The following EPN1 variants were observed in gnomAD, a reference collection of about 807,000 sequenced individuals.
The protein encoded by EPN1 is epsin 1, also known as epsin-1.
A neutral mutation model predicts 56.9 loss-of-function variants in EPN1; 25 were observed. The ratio of observed to expected loss-of-function variants is 0.44; its 90% CI spans 0.32 to 0.61. The LOEUF (loss-of-function observed/expected upper bound fraction) is 0.61, where lower values mean the gene tolerates loss of function less well. Among genes scored for constraint, EPN1 ranks in the 20% least tolerant of loss-of-function variants. The pLI is 0.05. For synonymous variants in EPN1, 411 were observed against 361.8 expected (o/e 1.14, Z -1.54); for missense variants, 785 against 823.7 (o/e 0.95, Z 0.58).
rs764731646 is a variant in EPN1 at position 55,689,488 on chromosome 19, C to T, written c.678+117C>T. 68 of 754,262 alleles carry T rather than the reference C, an allele frequency of 9.0e-5. No homozygotes were observed. Among genetic ancestry groups the T allele is most frequent in the Admixed American group, 5.1e-4 (23 of 45,194 alleles). The allele number at this position is 754,262 out of a possible 1,614,324, so 46.7% of individuals were successfully genotyped here. On this transcript the variant is annotated intron_variant, in intron 5 of 10. Coordinates refer to ENST00000270460, the MANE Select transcript of EPN1 (RefSeq NM_001130072.2). The surrounding 1 kb of genome is among the most constrained non-coding windows in gnomAD (Gnocchi z 5.7). Reference sequence around the variant, plus strand: ...TGGGCCCGAAGCCCACAGGCTCACGCGTGTTGAAACCTCAGTACCTTCAGC... The same window carrying T: ...TGGGCCCGAAGCCCACAGGCTCACGTGTGTTGAAACCTCAGTACCTTCAGC...
At position 55,708,974 on chromosome 19, in the gene EPN1, G is replaced by A. The variant is rs758815601; in HGVS notation, c.*13618G>A. On this transcript the variant is annotated 3_prime_UTR_variant, in exon 11 of 11. Coordinates refer to ENST00000270460, the MANE Select transcript of EPN1 (RefSeq NM_001130072.2). ...ATCCAAGGTCCATGTGAAATGGTCA[G>A]ATGGGGAATTTTTTCTTCCACAGAC... The A allele has an allele frequency of 5.0e-6, 8 of 1,592,616 alleles. No homozygotes were observed. The African/African-American group carries it at 1.1e-4, about 22-fold the overall frequency.
chr19:55,678,650 G>A lies in EPN1; in HGVS notation c.23G>A (p.Arg8His). MSTSSLRRQMKNIVHNYS... is the reference protein window; with the variant it reads MSTSSLRHQMKNIVHNYS... ...ACCATGTCGACCTCGTCCTTGAGGC[G>A]CCAGATGAAGAACATCGTCCACAAC... is the stretch of plus-strand genomic sequence containing the variant. The change falls in exon 2 of 11, where the codon CGC becomes CAC. Residue 8 changes from arginine to histidine, a missense_variant. Physicochemically the swap from Arg to His is conservative, Grantham distance 29. Coordinates refer to ENST00000270460, the MANE Select transcript of EPN1 (RefSeq NM_001130072.2). 2.5e-6 allele frequency: 4 copies of A among 1,612,794 alleles called. No individual in the cohort carries two copies. The highest frequency in any genetic ancestry group is 3.4e-6 in the Non-Finnish European group (4 of 1,179,524).
rs186935469 is a variant in EPN1, at chr19:55,688,830, C to G, written c.479-40C>G. On this transcript the variant is annotated intron_variant, in intron 3 of 10. Transcript: ENST00000270460. ...GCTATGGGGTTTCCTGTCTCTCGTTCCCTGGTCTGGGTCTCACGCGTTTCT... is the reference window on the plus strand; with the variant it reads ...GCTATGGGGTTTCCTGTCTCTCGTTGCCTGGTCTGGGTCTCACGCGTTTCT... The G allele has an allele frequency of 3.2e-6, 5 of 1,561,082 alleles. No individual in the cohort carries two copies. The African/African-American group carries it at 4.1e-5, about 13-fold the overall frequency.
At position 55,695,311 on chromosome 19, in the gene EPN1, G is replaced by A; in HGVS notation, c.1686G>A (p.Met562Ile). ...LGGGPGLPPM[M>I]PPGPPAPNTN... ...GGGGCCCTGGCCTGCCCCCCATGATGCCCCCGGGCCCCCCGGCCCCCAACA... is the reference window on the plus strand; with the variant it reads ...GGGGCCCTGGCCTGCCCCCCATGATACCCCCGGGCCCCCCGGCCCCCAACA... Residue 562 changes from methionine (M) to isoleucine (I), a missense_variant, in exon 11 of 11, where the codon ATG becomes ATA. Met to Ile is a conservative substitution (Grantham distance 10, BLOSUM62 1). This residue lies in a region of EPN1 where 650 missense variants were observed against 605.0 expected (regional missense o/e 1.07). Transcript: ENST00000270460. The surrounding 1 kb of genome is among the most constrained non-coding windows in gnomAD (Gnocchi z 4.4). 6.5e-7 allele frequency: 1 copy of A among 1,545,026 alleles called. No individual in the cohort carries two copies. The highest frequency in any genetic ancestry group is 8.7e-7 in the Non-Finnish European group (1 of 1,145,484).
Position 55,704,306 on chromosome 19 carries a change from C to CA in EPN1, c.*8951dup, listed in dbSNP as rs1377470370. ...AGCTCTATGTTGAAACCCTACCCCC[C>CA]ACCCTGCACCGACCCCGTACCCCAG... On this transcript the variant is annotated 3_prime_UTR_variant, in exon 11 of 11. Transcript: ENST00000270460. 6.6e-6 allele frequency: 1 copy of CA among 152,326 alleles called. No homozygotes were observed. Among genetic ancestry groups the CA allele is most frequent in the Non-Finnish European group, 1.5e-5 (1 of 68,136 alleles). 9.4% of individuals were successfully genotyped at this position (152,326 alleles called of 1,614,324 possible).
rs1985607745 is a variant in EPN1 at position 55,678,788 on chromosome 19, C to T, written c.161C>T (p.Ser54Leu). ...ADLTYNVVAF[S>L]EIMSMIWKRL... ...CTCACCTACAACGTTGTCGCCTTCTCGGAGATCATGAGCATGATCTGGAAG... is the reference window on the plus strand; with the variant it reads ...CTCACCTACAACGTTGTCGCCTTCTTGGAGATCATGAGCATGATCTGGAAG... The change falls in exon 2 of 11, where the codon TCG becomes TTG. Residue 54 changes from serine to leucine, a missense_variant. By Grantham distance (145) the Ser-to-Leu change is moderately radical. Transcript: ENST00000270460. The T allele has an allele frequency of 3.1e-6, 5 of 1,614,148 alleles. No individual in the cohort carries two copies. The highest frequency in any genetic ancestry group is 4.2e-6 in the Non-Finnish European group (5 of 1,180,024).
rs1986986341 is a variant in EPN1, at chr19:55,698,224, G to A, written c.*2868G>A. On this transcript the variant is annotated 3_prime_UTR_variant, in exon 11 of 11. Coordinates refer to ENST00000270460, the MANE Select transcript of EPN1 (RefSeq NM_001130072.2). ...CCTAGGAGGAGGTTCAGATCCCTCA[G>A]GTTTGGCTAAGCAAGAGTCATGGTG... 1 of 152,178 alleles carries A rather than the reference G, an allele frequency of 6.6e-6. No homozygotes were observed. Among genetic ancestry groups the A allele is most frequent in the African/African-American group, 2.4e-5 (1 of 41,376 alleles). 9.4% of individuals were successfully genotyped at this position (152,178 alleles called of 1,614,324 possible). A position where few individuals can be genotyped will look rare whatever the true frequency, so the allele number is the denominator to read the frequency against.
At position 55,705,077 on chromosome 19, in the gene EPN1, A is replaced by T. The variant is rs1272189694; in HGVS notation, c.*9721A>T. On this transcript the variant is annotated 3_prime_UTR_variant, in exon 11 of 11. Coordinates refer to ENST00000270460, the MANE Select transcript of EPN1 (RefSeq NM_001130072.2). ...TGCCACACAGTGAATGTGCTACTCA[A>T]GCCACTCAGCCTGGGCTGCAGAGGT... 6.6e-6 allele frequency: 1 copy of T among 152,220 alleles called. No individual in the cohort carries two copies. The highest frequency in any genetic ancestry group is 2.4e-5 in the African/African-American group (1 of 41,450). The allele number at this position is 152,220 out of a possible 1,614,324, so 9.4% of individuals were successfully genotyped here.
chr19:55,698,780 T>G lies in EPN1; in HGVS notation c.*3424T>G, dbSNP rs572354967. The G allele has an allele frequency of 6.6e-6, 1 of 152,542 alleles. No individual in the cohort carries two copies. The highest frequency in any genetic ancestry group is 2.4e-5 in the African/African-American group (1 of 41,580). 9.4% of individuals were successfully genotyped at this position (152,542 alleles called of 1,614,324 possible). ...TTTTCCCCCCTAGAAGGAGTCTTGC[T>G]CTGTTGCCAGGCTGGAGTGCAGTGG... is the stretch of plus-strand genomic sequence containing the variant. On this transcript the variant is annotated 3_prime_UTR_variant, in exon 11 of 11. Coordinates refer to ENST00000270460, the MANE Select transcript of EPN1 (RefSeq NM_001130072.2).
rs773905156 is a variant in EPN1 at position 55,694,846 on chromosome 19, C to T, written c.1385C>T (p.Thr462Ile). The change falls in exon 10 of 11, where the codon ACT becomes ATT. Residue 462 changes from threonine (T) to isoleucine (I), a missense_variant. Physicochemically the swap from Thr to Ile is moderately conservative, Grantham distance 89. Transcript: ENST00000270460. The surrounding 1 kb of genome is among the most constrained non-coding windows in gnomAD (Gnocchi z 4.2). The part of the protein sequence containing the change: ...VGSPPPAATP[T>I]PTPPTRKTPE... ...AGCCCCCCACCTGCAGCCACACCAA[C>T]TCCCACGCCCCCCACCCGGAAGACG... is the stretch of plus-strand genomic sequence containing the variant. The T allele has an allele frequency of 1.9e-6, 3 of 1,609,418 alleles. No individual in the cohort carries two copies. The South Asian group carries it at 3.3e-5, about 18-fold the overall frequency.
In EPN1 at chr19:55,705,115, T is replaced by G. The variant is rs1420059741; in HGVS notation, c.*9759T>G. On this transcript the variant is annotated 3_prime_UTR_variant, in exon 11 of 11. Coordinates refer to ENST00000270460, the MANE Select transcript of EPN1 (RefSeq NM_001130072.2). ...GGGCTGCAGAGGTTGGAAGCCTCAC[T>G]GGCCTGAGGTTTCTGAGTAAGCTCT... 6 of 152,262 alleles carry G rather than the reference T, an allele frequency of 3.9e-5. No homozygotes were observed. 9.4% of individuals were successfully genotyped at this position (152,262 alleles called of 1,614,324 possible).
At chr19:55,679,195 C>T (rs1227725177) in intron 2 of EPN1, among the ~76,000 whole-genome samples, 1 of 152,232 alleles carries the variant, frequency 6.6e-6, no homozygotes, top group Non-Finnish European at 1.5e-5. Flanking sequence ...CTATGAATGC[C>T]TCTCAGGCAG....
Position 55,701,515 on chromosome 19 carries a change from A to G in EPN1, c.*6159A>G, listed in dbSNP as rs1158435723. On this transcript the variant is annotated 3_prime_UTR_variant, in exon 11 of 11. Transcript: ENST00000270460. ...CTCTTAGTATCTTAAGAAATACATG[A>G]TTTGAACAAGGACCTTGTGTCTCCT... 1 of 151,608 alleles carries G rather than the reference A, an allele frequency of 6.6e-6. No individual in the cohort carries two copies. The highest frequency in any genetic ancestry group is 1.5e-5 in the Non-Finnish European group (1 of 67,962). The allele number at this position is 151,608 out of a possible 1,614,324, so 9.4% of individuals were successfully genotyped here.
In EPN1 at chr19:55,695,299, G is replaced by A. The variant is rs1568582427; in HGVS notation, c.1674G>A (p.Leu558=). The A allele has an allele frequency of 2.5e-6, 4 of 1,573,442 alleles. No individual in the cohort carries two copies. Among genetic ancestry groups the A allele is most frequent in the African/African-American group, 1.4e-5 (1 of 73,798 alleles). The change falls in exon 11 of 11, where the codon CTG becomes CTA. Residue 558 remains leucine (L), a synonymous_variant. Coordinates refer to ENST00000270460, the MANE Select transcript of EPN1 (RefSeq NM_001130072.2). The surrounding 1 kb of genome is among the most constrained non-coding windows in gnomAD (Gnocchi z 4.4). ...CTCCCCTTGGCGGGGGCCCTGGCCT[G>A]CCCCCCATGATGCCCCCGGGCCCCC... is the stretch of plus-strand genomic sequence containing the variant. ...YISPLGGGPG[L]PPMMPPGPPA... is the part of the protein sequence containing the mutation.
rs1226516013 is a variant in EPN1, at chr19:55,689,234, G to A, written c.604-63G>A. ...CTTTCTTCGGCTCTATCTGACCCTG[G>A]CTCTGCCTCTGACTCTGCCTCTGGC... On this transcript the variant is annotated intron_variant, in intron 4 of 10. Coordinates refer to ENST00000270460, the MANE Select transcript of EPN1 (RefSeq NM_001130072.2). The surrounding 1 kb of genome is among the most constrained non-coding windows in gnomAD (Gnocchi z 5.7). 1.5e-6 allele frequency: 2 copies of A among 1,299,524 alleles called. No individual in the cohort carries two copies. The highest frequency in any genetic ancestry group is 1.8e-4 in the Middle Eastern group (1 of 5,478). 80.5% of individuals were successfully genotyped at this position (1,299,524 alleles called of 1,614,324 possible). A position where few individuals can be genotyped will look rare whatever the true frequency, so the allele number is the denominator to read the frequency against.
intron 1 of EPN1, among the ~76,000 whole-genome samples, chr19:55,678,137 G>A (rs968062586): frequency 3.9e-5 from 6 of 152,314 alleles, no homozygotes; most frequent in African/African-American, 7.2e-5. Context: ...AAGGAAGAGC[G>A]CATGGGCAGG....
intron 2 of EPN1, among the ~76,000 whole-genome samples, chr19:55,685,059 T>C (rs1287289000): frequency 6.6e-6 from 1 of 152,194 alleles, no homozygotes; most frequent in African/African-American, 2.4e-5. Context: ...CATCCCTCCC[T>C]CCACCCCTGG....
intron 1 of EPN1, chr19:55,677,209 CAGGAGTAAGGTGTGTGTCCCTGGGCA>C: frequency 2.0e-6 from 3 of 1,522,106 alleles, no homozygotes; most frequent in Non-Finnish European, 1.8e-6. Flanking sequence ...CAGGCTGCTC[CAGGAGTAAGGTGTGTGTCCCTGGGCA>C]AGGGGCTGAA....
rs1987260139 is a variant in EPN1, at chr19:55,703,791, T to C, written c.*8435T>C. On this transcript the variant is annotated 3_prime_UTR_variant, in exon 11 of 11. Transcript: ENST00000270460. ...GAGATTTTTTTAATCTTGCCAATTT[T>C]TGATGGATTTAAGTTTAAGCACCTG... 2.0e-5 allele frequency: 3 copies of C among 152,222 alleles called. No individual in the cohort carries two copies. Among genetic ancestry groups the C allele is most frequent in the African/African-American group, 2.4e-5 (1 of 41,444 alleles). 9.4% of individuals were successfully genotyped at this position (152,222 alleles called of 1,614,324 possible).
Sources: gnomAD v4.1 joint callset for allele counts (sites outside exome capture counted in the v4.1 genomes callset) on GRCh38, gnomAD v4.1.1 for gene constraint, gnomAD v4.1.1 regional missense constraint, Gnocchi (gnomAD v3.1) non-coding constraint, MANE v1.5 for transcripts, NCBI Gene and HGNC (gene_info 2026-07-23, HGNC 2026-07-21) for gene names.